KCNIP1: variants seen among roughly 807,000 people sequenced by gnomAD.
KCNIP1 encodes the protein potassium voltage-gated channel interacting protein 1.
A neutral mutation model predicts 33.0 loss-of-function variants in KCNIP1; 18 were observed. The observed-to-expected ratio is 0.55, with a 90% CI of 0.38 to 0.81. The LOEUF (loss-of-function observed/expected upper bound fraction) is 0.81. Ranked by LOEUF, KCNIP1 falls within the 30% of genes least tolerant of loss-of-function variation. The pLI is 0.00. For synonymous variants in KCNIP1, 93 were observed against 98.3 expected (o/e 0.95, Z 0.32); for missense variants, 238 against 271.6 (o/e 0.88, Z 0.87).
chr5:170,405,673 T>A (rs907379910), intron 1 of KCNIP1, among the ~76,000 whole-genome samples: 7 of 152,248 alleles, frequency 4.6e-5, no homozygotes. Context: ...GTCATTGTTC[T>A]CTGACAGTCA....
At chr5:170,548,088 A>G (rs533078256) in intron 1 of KCNIP1, among the ~76,000 whole-genome samples, 1 of 152,252 alleles carries the variant, frequency 6.6e-6, no homozygotes, top group South Asian at 2.1e-4. Context: ...ATGGTATCTC[A>G]TTGTGGTTTT....
intron 1 of KCNIP1, among the ~76,000 whole-genome samples, chr5:170,637,882 G>C (rs968660982): frequency 1.2e-4 from 19 of 152,032 alleles, no homozygotes; most frequent in African/African-American, 4.3e-4. Flanking sequence ...AATGGTGCTG[G>C]GCCCAGAAGA....
intron 1 of KCNIP1, among the ~76,000 whole-genome samples, chr5:170,581,834 A>G (rs1016134017): frequency 6.6e-6 from 1 of 152,232 alleles, no homozygotes; most frequent in African/African-American, 2.4e-5. Flanking sequence ...CAGACTGTCA[A>G]GAAGCATGGA....
intron 5 of KCNIP1, among the ~76,000 whole-genome samples, chr5:170,724,408 T>C (rs1362116425): frequency 5.3e-5 from 8 of 152,118 alleles, no homozygotes; most frequent in African/African-American, 1.9e-4. Context: ...AATTCAGCAA[T>C]ATATAAAAAG....
intron 1 of KCNIP1, among the ~76,000 whole-genome samples, chr5:170,653,911 A>C (rs963658472): frequency 6.6e-6 from 1 of 152,006 alleles, no homozygotes; most frequent in Non-Finnish European, 1.5e-5. Flanking sequence ...TGAAATTTTC[A>C]CTAAAATCAT....
chr5:170,424,196 GC>G (rs1755563308), intron 1 of KCNIP1, among the ~76,000 whole-genome samples: 1 of 152,200 alleles, frequency 6.6e-6, no homozygotes, highest in Non-Finnish European at 1.5e-5. Context: ...GTGCGGGGTA[GC>G]AGGAGACTGA....
Position 170,382,971 on chromosome 5 carries a change from G to A in KCNIP1, c.88+29007G>A, listed in dbSNP as rs572743735. On this transcript the variant is annotated intron_variant, in intron 1 of 7. Coordinates refer to the KCNIP1 transcript ENST00000377360. ...AGGAAGGAAGGAAGGAAGGAAGGGA[G>A]GGAGAGAGGGAGGGAAGGAGGGAGG... is the stretch of plus-strand genomic sequence containing the variant. 2.3e-3 allele frequency: 348 copies of A among 149,470 alleles called. 5 individuals carry two copies. The highest frequency in any genetic ancestry group is 0.017 in the Admixed American group (248 of 14,808). 9.3% of individuals were successfully genotyped at this position (149,470 alleles called of 1,614,324 possible).
chr5:170,563,765 C>CGGGTTCAAGCG, intron 1 of KCNIP1, among the ~76,000 whole-genome samples: 1 of 152,304 alleles, frequency 6.6e-6, no homozygotes, highest in African/African-American at 2.4e-5. Flanking sequence ...CTCAGCCTCC[C>CGGGTTCAAGCG]AAGTAGCTTG....
chr5:170,560,969 G>T (rs1757015782), intron 1 of KCNIP1: 1 of 359,600 alleles, frequency 2.8e-6, no homozygotes, highest in African/African-American at 2.1e-5. Flanking sequence ...ACAAGAAGGA[G>T]TCCCCTCTGG....
rs1403006044 is a variant in KCNIP1, at chr5:170,673,138, C to T, written c.62-45620C>T. On this transcript the variant is annotated intron_variant, in intron 1 of 7. Coordinates refer to ENST00000328939, the MANE Select transcript of KCNIP1 (RefSeq NM_014592.4). ...GTTATTTAAAAGTGTTCGATGAATT[C>T]TGAGTTTTAGTAATTCATATGTGCT... 4.6e-5 allele frequency among the ~76,000 whole-genome samples: 7 copies of T among 152,330 alleles called. No homozygotes were observed. The East Asian group carries it at 5.8e-4, about 13-fold the overall frequency.
chr5:170,391,398 G>A (rs1018229238), intron 1 of KCNIP1, among the ~76,000 whole-genome samples: 11 of 152,302 alleles, frequency 7.2e-5, no homozygotes, highest in South Asian at 2.1e-4. Context: ...AAGGGGGGCC[G>A]TGGGGTCTTC....
chr5:170,513,963 A>C (rs749103349), intron 1 of KCNIP1, among the ~76,000 whole-genome samples: 2 of 152,198 alleles, frequency 1.3e-5, no homozygotes, highest in Non-Finnish European at 2.9e-5. Flanking sequence ...CACTTTGCAG[A>C]GTAGGAAACG....
At chr5:170,383,009 AAAG>A (rs1764310821) in intron 1 of KCNIP1, 2 of 152,728 alleles carry the variant, frequency 1.3e-5, no homozygotes, top group Admixed American at 6.5e-5. Flanking sequence ...AAAAAAAAGA[AAAG>A]AAAGAAGGAG....
At chr5:170,679,323 A>G (rs1432078127) in intron 1 of KCNIP1, 2 of 152,226 alleles carry the variant, frequency 1.3e-5, no homozygotes, top group Non-Finnish European at 1.5e-5. Flanking sequence ...ATCACTGCCT[A>G]CACGCCAATG....
chr5:170,451,722 ATT>A (rs1491384012), intron 1 of KCNIP1, among the ~76,000 whole-genome samples: 10 of 77,300 alleles, frequency 1.3e-4, no homozygotes, highest in Non-Finnish European at 1.7e-4. Context: ...CTTCTCCTGC[ATT>A]GTGTGTGTGT....
chr5:170,696,475 G>T (rs1405176144), intron 1 of KCNIP1, among the ~76,000 whole-genome samples: 2 of 152,164 alleles, frequency 1.3e-5, no homozygotes. Flanking sequence ...GCTGCAGGGA[G>T]GGGTCTTGTC....
chr5:170,445,341 G>A (rs1756088056), intron 1 of KCNIP1, among the ~76,000 whole-genome samples: 1 of 152,180 alleles, frequency 6.6e-6, no homozygotes, highest in African/African-American at 2.4e-5. Context: ...GCTGATCGGA[G>A]AGTCAATGAC....
chr5:170,587,278 G>A (rs111570136), intron 1 of KCNIP1, among the ~76,000 whole-genome samples: 12,796 of 87,964 alleles, frequency 0.15, 617 homozygotes, highest in South Asian at 0.24. Context: ...AAAATTAGCC[G>A]GGTGTGACTG....
intron 5 of KCNIP1, among the ~76,000 whole-genome samples, chr5:170,729,183 T>A (rs1764111276): frequency 6.6e-6 from 1 of 152,058 alleles, no homozygotes; most frequent in African/African-American, 2.4e-5. Context: ...TATGTGAATA[T>A]CTGATCAAAG....
Sources: allele counts gnomAD v4.1 joint callset (sites outside exome capture counted in the v4.1 genomes callset), GRCh38; gene constraint gnomAD v4.1.1; transcripts MANE v1.5; gene names NCBI Gene and HGNC (gene_info 2026-07-23, HGNC 2026-07-21).